Variants in TRPM3 observed in about 807,000 individuals in gnomAD.
The protein encoded by TRPM3 is long transient receptor potential channel 3.
TRPM3 carries 77 observed loss-of-function variants against 181.2 expected under a neutral mutation model. The ratio of observed to expected loss-of-function variants is 0.42; its 90% CI spans 0.35 to 0.51. TRPM3 has a LOEUF of 0.51. Among genes scored for constraint, TRPM3 ranks in the 20% least tolerant of loss-of-function variants. TRPM3 has a pLI of 0.01. For synonymous variants in TRPM3, 745 were observed against 796.4 expected (o/e 0.94, Z 1.09); for missense variants, 1,759 against 2,196.7 (o/e 0.80, Z 3.98).
intron 9 of TRPM3, among the ~76,000 whole-genome samples, chr9:70,674,559 T>TATA (rs945803764): frequency 6.6e-6 from 1 of 151,886 alleles, no homozygotes; most frequent in Admixed American, 6.6e-5. Context: ...ACATTATATA[T>TATA]ATAATTTTTT....
chr9:70,830,027 TTC>T (rs1376538905), intron 5 of TRPM3, among the ~76,000 whole-genome samples: 2 of 152,204 alleles, frequency 1.3e-5, no homozygotes, highest in African/African-American at 2.4e-5. Flanking sequence ...TTAGTTACTG[TTC>T]TCTCTTTTCT....
At chr9:70,694,422 A>T (rs181796560) in intron 8 of TRPM3, among the ~76,000 whole-genome samples, 83 of 152,280 alleles carry the variant, frequency 5.5e-4, no homozygotes, top group African/African-American at 1.7e-3. Flanking sequence ...CCTACTTCAT[A>T]CATTAATTCC....
chr9:71,209,489 CA>C (rs2079344245), intron 1 of TRPM3, among the ~76,000 whole-genome samples: 1 of 152,058 alleles, frequency 6.6e-6, no homozygotes, highest in Non-Finnish European at 1.5e-5. Flanking sequence ...TCATCTCAAA[CA>C]AAACAATACC....
At chr9:70,817,097 CT>C (rs1234016825) in intron 6 of TRPM3, among the ~76,000 whole-genome samples, 1 of 152,240 alleles carries the variant, frequency 6.6e-6, no homozygotes, top group African/African-American at 2.4e-5. Context: ...GACCATCTGT[CT>C]CTCAATATCT....
chr9:70,939,321 T>C (rs536129996), intron 1 of TRPM3, among the ~76,000 whole-genome samples: 4 of 152,384 alleles, frequency 2.6e-5, no homozygotes, highest in African/African-American at 7.2e-5. Flanking sequence ...GTGTGGGTGC[T>C]AATTACCCGA....
chr9:70,536,471 C>G lies in TRPM3; in HGVS notation c.4642G>C (p.Gly1548Arg). ...TATTCTGCTGTTTTTACAGGCACCCCAAAGTTGGCATAATAGCTCCTTGAG... is the reference window on the plus strand; with the variant it reads ...TATTCTGCTGTTTTTACAGGCACCCGAAAGTTGGCATAATAGCTCCTTGAG... ...SPSRSYYANF[G>R]VPVKTAEYTS... The change falls in exon 26 of 26, where the codon GGG becomes CGG. Residue 1548 changes from glycine to arginine, a missense_variant. Physicochemically the swap from Gly to Arg is moderately radical, Grantham distance 125. Transcript: ENST00000677713. 1 of 1,614,106 alleles carries G rather than the reference C, an allele frequency of 6.2e-7. No individual in the cohort carries two copies. The highest frequency in any genetic ancestry group is 8.5e-7 in the Non-Finnish European group (1 of 1,180,022).
At chr9:70,766,919 T>A (rs1229370755) in intron 7 of TRPM3, among the ~76,000 whole-genome samples, 1 of 152,258 alleles carries the variant, frequency 6.6e-6, no homozygotes, top group East Asian at 1.9e-4. Context: ...ATGGGAACTA[T>A]AATAGTACTT....
At chr9:71,118,227 A>T (rs954325899) in intron 1 of TRPM3, among the ~76,000 whole-genome samples, 4 of 152,162 alleles carry the variant, frequency 2.6e-5, no homozygotes, top group African/African-American at 9.7e-5. Context: ...TCCAAGTTTT[A>T]TTTCCAAATG....
intron 1 of TRPM3, among the ~76,000 whole-genome samples, chr9:70,960,718 C>T (rs2097128286): frequency 6.6e-6 from 1 of 152,142 alleles, no homozygotes; most frequent in African/African-American, 2.4e-5. Context: ...TTCTCGTTCT[C>T]ACATGCAACA....
chr9:71,128,397 C>T (rs1195666188), intron 1 of TRPM3, among the ~76,000 whole-genome samples: 1 of 152,138 alleles, frequency 6.6e-6, no homozygotes, highest in Non-Finnish European at 1.5e-5. Flanking sequence ...CCTTGAAACC[C>T]TAAAATTTCC....
At chr9:70,809,653 T>C (rs62545990) in intron 6 of TRPM3, among the ~76,000 whole-genome samples, 4,555 of 152,286 alleles carry the variant, frequency 0.03, 90 homozygotes, top group Middle Eastern at 0.051. Context: ...CTCTATGATG[T>C]TCATGACAAA....
intron 1 of TRPM3, among the ~76,000 whole-genome samples, chr9:71,096,590 A>ACACACACACACACTCTCTCTCTCTCT (rs1452142664): frequency 3.3e-5 from 3 of 89,998 alleles, no homozygotes; most frequent in African/African-American, 1.5e-4. Context: ...ACACACACAC[A>ACACACACACACACTCTCTCTCTCTCT]CTCTCTCTCT....
intron 1 of TRPM3, among the ~76,000 whole-genome samples, chr9:71,153,404 C>T (rs566619140): frequency 6.6e-6 from 1 of 151,520 alleles, no homozygotes; most frequent in East Asian, 2.0e-4. Context: ...AGTTCTTCTG[C>T]CTCAGCCTCC....
chr9:71,016,650 T>C (rs2097787657), intron 1 of TRPM3, among the ~76,000 whole-genome samples: 1 of 152,204 alleles, frequency 6.6e-6, no homozygotes, highest in Non-Finnish European at 1.5e-5. Flanking sequence ...ATTTTGTTTA[T>C]CCATTTATCT....
intron 1 of TRPM3, among the ~76,000 whole-genome samples, chr9:71,158,087 T>C (rs1352929693): frequency 6.6e-6 from 1 of 152,176 alleles, no homozygotes. Context: ...AATCTTAAAG[T>C]TGTGACATAG....
intron 1 of TRPM3, among the ~76,000 whole-genome samples, chr9:71,312,792 C>T (rs1330427760): frequency 6.6e-6 from 1 of 152,034 alleles, no homozygotes; most frequent in African/African-American, 2.4e-5. Context: ...AGTAACCAAT[C>T]TGAAAAAGGC....
chr9:71,414,081 C>T (rs1408423562), intron 1 of TRPM3, among the ~76,000 whole-genome samples: 1 of 152,052 alleles, frequency 6.6e-6, no homozygotes, highest in Non-Finnish European at 1.5e-5. Context: ...TTAATTTATA[C>T]CATTGTATCG....
At chr9:71,047,110 G>C (rs189394540) in intron 1 of TRPM3, among the ~76,000 whole-genome samples, 278 of 152,290 alleles carry the variant, frequency 1.8e-3, no homozygotes, top group Non-Finnish European at 3.2e-3. Context: ...AAGAGTGTGT[G>C]TGTGTACATG....
At chr9:71,151,016 T>C (rs2075706337) in intron 1 of TRPM3, among the ~76,000 whole-genome samples, 1 of 152,160 alleles carries the variant, frequency 6.6e-6, no homozygotes, top group African/African-American at 2.4e-5. Flanking sequence ...GGAAACTGTC[T>C]GGCAAAAATT....
Sources: allele counts gnomAD v4.1 joint callset (sites outside exome capture counted in the v4.1 genomes callset), GRCh38; gene constraint gnomAD v4.1.1; transcripts MANE v1.5; gene names NCBI Gene and HGNC (gene_info 2026-07-23, HGNC 2026-07-21).